Variants in TRIM33 observed in about 807,000 individuals in gnomAD.
The protein encoded by TRIM33 is E3 ubiquitin-protein ligase TRIM33.
Under a neutral mutation model 125.4 loss-of-function variants are expected in TRIM33, and 20 were observed. The observed-to-expected ratio is 0.16, with a 90% CI of 0.11 to 0.23. The LOEUF (loss-of-function observed/expected upper bound fraction) is 0.23, where lower values mean the gene tolerates loss of function less well. TRIM33 is among the 10% of genes least tolerant of loss of function. The pLI is 1.00. For missense variants in TRIM33, 920 were observed against 1,411.4 expected, an observed-to-expected ratio of 0.65 and a Z score of 5.58; for synonymous variants, 564 against 513.9, an observed-to-expected ratio of 1.10 and a Z score of -1.32.
At chr1:114,485,148 TA>T (rs1458014890) in intron 1 of TRIM33, among the ~76,000 whole-genome samples, 1 of 152,060 alleles carries the variant, frequency 6.6e-6, no homozygotes, top group African/African-American at 2.4e-5. Context: ...GAATAGGAAT[TA>T]AAAGCATGAA....
At chr1:114,420,394 G>C (rs1469764408) in intron 11 of TRIM33, 1 of 1,334,238 alleles carries the variant, frequency 7.5e-7, no homozygotes, top group African/African-American at 1.5e-5. Flanking sequence ...TTTTGGTCCT[G>C]GGTCTTCTCT....
At position 114,393,059 on chromosome 1, in the gene TRIM33, C is replaced by G. The variant is rs74437334; in HGVS notation, c.*4589G>C. On this transcript the variant is annotated 3_prime_UTR_variant, in exon 20 of 20. Transcript: ENST00000358465. Reference sequence around the variant, plus strand: ...TTTAGAGAATACGATACCACAGAAACAGCACTTTTTAAGAATCATATTGAA... The same window carrying G: ...TTTAGAGAATACGATACCACAGAAAGAGCACTTTTTAAGAATCATATTGAA... 32 of 201,658 alleles carry G rather than the reference C, an allele frequency of 1.6e-4. No homozygotes were observed. In the East Asian group the frequency reaches 2.1e-3, roughly 13 times the overall value. 12.5% of individuals were successfully genotyped at this position (201,658 alleles called of 1,614,324 possible). A position where few individuals can be genotyped will look rare whatever the true frequency, so the allele number is the denominator to read the frequency against.
At chr1:114,446,061 GC>G (rs750954310) in intron 4 of TRIM33, among the ~76,000 whole-genome samples, 2 of 152,098 alleles carry the variant, frequency 1.3e-5, no homozygotes, top group African/African-American at 2.4e-5. Context: ...TCACCATGTT[GC>G]CCAGACTGGT....
intron 4 of TRIM33, among the ~76,000 whole-genome samples, chr1:114,456,716 G>A (rs1649650497): frequency 6.6e-6 from 1 of 152,098 alleles, no homozygotes. Flanking sequence ...AATTTGATTA[G>A]GAGAAATTTA....
rs1294009872 is a variant in TRIM33, at chr1:114,477,784, C to T, written c.527-13396G>A. Among the ~76,000 whole-genome samples the T allele has an allele frequency of 2.0e-5, 3 of 152,276 alleles. No individual in the cohort carries two copies. The South Asian group carries it at 6.2e-4, about 32-fold the overall frequency. ...CTTGCAAAATGGCTAGTGGAACCAA[C>T]AAACTAAATTTTAAAATTTCATTTT... On this transcript the variant is annotated intron_variant, in intron 1 of 19. Transcript: ENST00000358465.
At chr1:114,493,946 C>T (rs1162591563) in intron 1 of TRIM33, among the ~76,000 whole-genome samples, 1 of 152,158 alleles carries the variant, frequency 6.6e-6, no homozygotes, top group Non-Finnish European at 1.5e-5. Flanking sequence ...CTGCCTCAGC[C>T]TCCCAAGTAG....
At position 114,397,607 on chromosome 1, in the gene TRIM33, G is replaced by GTT. The variant is rs370757901; in HGVS notation, c.*39_*40dup. The GTT allele has an allele frequency of 2.3e-3, 1,299 of 566,632 alleles. 1 individual carries two copies. Among genetic ancestry groups the GTT allele is most frequent in the South Asian group, 7.6e-3 (198 of 25,894 alleles). 35.1% of individuals were successfully genotyped at this position (566,632 alleles called of 1,614,324 possible). A position where few individuals can be genotyped will look rare whatever the true frequency, so the allele number is the denominator to read the frequency against. On this transcript the variant is annotated 3_prime_UTR_variant, in exon 20 of 20. Transcript: ENST00000358465. Reference sequence around the variant, plus strand: ...TTTTTGTGTTTTTTTTTTTTTTTTCGTTTTTTTTTTTTTAAACAATTGATT... The same window carrying GTT: ...TTTTTGTGTTTTTTTTTTTTTTTTCGTTTTTTTTTTTTTTTAAACAATTGATT...
chr1:114,463,834 TCACGGCTCACTA>T (rs777849160), intron 2 of TRIM33, among the ~76,000 whole-genome samples: 21 of 143,732 alleles, frequency 1.5e-4, no homozygotes, highest in Non-Finnish European at 2.5e-4. Flanking sequence ...AGTAGTGCAA[TCACGGCTCACTA>T]CAGCCTCAAC....
intron 1 of TRIM33, among the ~76,000 whole-genome samples, chr1:114,506,716 C>T (rs1015903617): frequency 6.6e-6 from 1 of 151,956 alleles, no homozygotes; most frequent in Non-Finnish European, 1.5e-5. Context: ...GAAAAAGCAC[C>T]CCCCAAAAAA....
At chr1:114,441,027 G>A (rs969216087) in intron 4 of TRIM33, among the ~76,000 whole-genome samples, 1 of 152,134 alleles carries the variant, frequency 6.6e-6, no homozygotes, top group Non-Finnish European at 1.5e-5. Context: ...AAATACAAAG[G>A]CCAGGCATGG....
intron 18 of TRIM33, among the ~76,000 whole-genome samples, chr1:114,399,046 C>T (rs1450662782): frequency 1.3e-5 from 2 of 151,744 alleles, no homozygotes; most frequent in Admixed American, 1.3e-4. Context: ...AGATGGGTCA[C>T]CAGAGATTAG....
At chr1:114,503,598 G>A (rs1652832165) in intron 1 of TRIM33, among the ~76,000 whole-genome samples, 1 of 152,016 alleles carries the variant, frequency 6.6e-6, no homozygotes. Context: ...TTGAAATGTT[G>A]ACATTACACA....
chr1:114,486,316 G>C (rs1226826140), intron 1 of TRIM33, among the ~76,000 whole-genome samples: 1 of 150,772 alleles, frequency 6.6e-6, no homozygotes, highest in African/African-American at 2.4e-5. Flanking sequence ...ATGGAAAATA[G>C]AAAAGAAATG....
chr1:114,481,256 C>G (rs1651314502), intron 1 of TRIM33, among the ~76,000 whole-genome samples: 1 of 152,096 alleles, frequency 6.6e-6, no homozygotes, highest in South Asian at 2.1e-4. Context: ...ATCAATACAT[C>G]AGATACATGT....
intron 4 of TRIM33, among the ~76,000 whole-genome samples, chr1:114,441,762 C>G (rs542320215): frequency 6.6e-6 from 1 of 152,196 alleles, no homozygotes; most frequent in Non-Finnish European, 1.5e-5. Flanking sequence ...GTGAAACTAA[C>G]GACTCTGAAT....
At position 114,397,585 on chromosome 1, in the gene TRIM33, T is replaced by TTG. The variant is rs1326742726; in HGVS notation, c.*61_*62dup. The TTG allele has an allele frequency of 2.4e-6, 3 of 1,245,092 alleles. No individual in the cohort carries two copies. The highest frequency in any genetic ancestry group is 3.7e-5 in the African/African-American group (2 of 54,114). The allele number at this position is 1,245,092 out of a possible 1,614,324, so 77.1% of individuals were successfully genotyped here. A position where few individuals can be genotyped will look rare whatever the true frequency, so the allele number is the denominator to read the frequency against. ...AACACTTAAAAGTTTTCTGGGTTTT[T>TTG]TGTGTTTTTTTTTTTTTTTTCGTTT... On this transcript the variant is annotated 3_prime_UTR_variant, in exon 20 of 20. Transcript: ENST00000358465.
chr1:114,400,829 G>A (rs1651824803), intron 17 of TRIM33, among the ~76,000 whole-genome samples: 1 of 152,030 alleles, frequency 6.6e-6, no homozygotes, highest in African/African-American at 2.4e-5. Context: ...TCCTTTTATT[G>A]CAGCATTTTA....
chr1:114,450,140 C>A (rs1373764226), intron 4 of TRIM33, among the ~76,000 whole-genome samples: 2 of 152,158 alleles, frequency 1.3e-5, no homozygotes, highest in Non-Finnish European at 2.9e-5. Context: ...GCCTGTAACC[C>A]CAGCTACTTG....
chr1:114,502,651 C>T (rs189168752), intron 1 of TRIM33, among the ~76,000 whole-genome samples: 2 of 152,112 alleles, frequency 1.3e-5, no homozygotes, highest in Admixed American at 6.6e-5. Flanking sequence ...GAACTACAGG[C>T]GCACACCACC....
Sources: allele counts gnomAD v4.1 joint callset (sites outside exome capture counted in the v4.1 genomes callset), GRCh38; gene constraint gnomAD v4.1.1; transcripts MANE v1.5; gene names NCBI Gene and HGNC (gene_info 2026-07-23, HGNC 2026-07-21).